Variants in IMMP2L observed in about 807,000 individuals in gnomAD.
The protein encoded by IMMP2L is mitochondrial inner membrane protease subunit 2.
IMMP2L carries 18 observed loss-of-function variants against 19.3 expected under a neutral mutation model. That is an observed-to-expected ratio of 0.93 (90% CI 0.64 to 1.38). The LOEUF is 1.38. Among genes scored for constraint, IMMP2L ranks in the 40% most tolerant of loss-of-function variants. The pLI, the probability that IMMP2L is intolerant of heterozygous loss-of-function variation, is 0.00. For synonymous variants in IMMP2L, 76 were observed against 73.0 expected (o/e 1.04, Z -0.21); for missense variants, 233 against 218.2 (o/e 1.07, Z -0.43).
At chr7:110,717,429 C>G (rs1003234240) in intron 5 of IMMP2L, among the ~76,000 whole-genome samples, 1 of 152,214 alleles carries the variant, frequency 6.6e-6, no homozygotes, top group Admixed American at 6.5e-5. Context: ...TGCGCCACTG[C>G]GCTCCAGCCT....
intron 3 of IMMP2L, among the ~76,000 whole-genome samples, chr7:111,171,872 GATAAA>G (rs1806485152): frequency 6.6e-6 from 1 of 151,054 alleles, no homozygotes; most frequent in African/African-American, 2.4e-5. Flanking sequence ...GGTAAAAAAA[GATAAA>G]ATAAAGAATT....
In IMMP2L at chr7:111,403,303, C is replaced by A. The variant is rs780594550; in HGVS notation, c.239+83935G>T. On this transcript the variant is annotated intron_variant, in intron 3 of 5. Transcript: ENST00000405709. The stretch of plus-strand genomic sequence containing the variant: ...CTCCTGCCACCACATAAGACATCCA[C>A]TTTGCCTTCCACCATGATTGTAAGT... Among the ~76,000 whole-genome samples, 154 of 152,132 alleles carry A rather than the reference C, an allele frequency of 1.0e-3. 1 individual carries two copies. Among genetic ancestry groups the A allele is most frequent in the South Asian group, 1.0e-3 (5 of 4,814 alleles).
At chr7:110,715,598 A>T (rs960347872) in intron 5 of IMMP2L, among the ~76,000 whole-genome samples, 2 of 152,046 alleles carry the variant, frequency 1.3e-5, no homozygotes, top group Non-Finnish European at 2.9e-5. Flanking sequence ...CTTGGTACTG[A>T]TTTCTATTTG....
At chr7:110,688,943 C>T (rs2130521316) in intron 5 of IMMP2L, among the ~76,000 whole-genome samples, 2 of 152,126 alleles carry the variant, frequency 1.3e-5, no homozygotes, top group East Asian at 3.9e-4. Context: ...TGTACATAAA[C>T]ATTTCATTAT....
At chr7:110,872,778 C>A (rs181198578) in intron 5 of IMMP2L, among the ~76,000 whole-genome samples, 14 of 152,302 alleles carry the variant, frequency 9.2e-5, no homozygotes, top group East Asian at 7.7e-4. Flanking sequence ...AGCTGACTCT[C>A]TGGATTGAGA....
At chr7:111,088,655 T>G (rs1350921070) in intron 3 of IMMP2L, among the ~76,000 whole-genome samples, 1 of 152,222 alleles carries the variant, frequency 6.6e-6, no homozygotes, top group Non-Finnish European at 1.5e-5. Context: ...TCTCATTTGA[T>G]GATCACTCAC....
At chr7:111,058,133 A>G (rs762010081) in intron 3 of IMMP2L, among the ~76,000 whole-genome samples, 1 of 152,182 alleles carries the variant, frequency 6.6e-6, no homozygotes, top group East Asian at 1.9e-4. Context: ...GAATTTATCT[A>G]TTTTTCTTTT....
chr7:111,304,276 T>C (rs1822583824), intron 3 of IMMP2L, among the ~76,000 whole-genome samples: 1 of 151,994 alleles, frequency 6.6e-6, no homozygotes, highest in South Asian at 2.1e-4. Context: ...CCAAATAACA[T>C]GTGCAGTTAA....
At chr7:111,042,460 C>T (rs894003339) in intron 3 of IMMP2L, among the ~76,000 whole-genome samples, 2 of 152,180 alleles carry the variant, frequency 1.3e-5, no homozygotes, top group African/African-American at 2.4e-5. Flanking sequence ...GGATTACAGG[C>T]GTGAGCCACC....
At chr7:110,935,095 T>C (rs1049947380) in intron 4 of IMMP2L, among the ~76,000 whole-genome samples, 2 of 152,318 alleles carry the variant, frequency 1.3e-5, no homozygotes, top group Non-Finnish European at 2.9e-5. Context: ...ATAGTGTTGA[T>C]GGTCTTTACG....
intron 3 of IMMP2L, among the ~76,000 whole-genome samples, chr7:111,015,800 T>C (rs1219339236): frequency 6.6e-6 from 1 of 152,136 alleles, no homozygotes; most frequent in Non-Finnish European, 1.5e-5. Context: ...ACCACTGAAT[T>C]GAATGATTTA....
chr7:111,092,171 C>G (rs1455451326), intron 3 of IMMP2L, among the ~76,000 whole-genome samples: 3 of 152,176 alleles, frequency 2.0e-5, no homozygotes, highest in Admixed American at 1.3e-4. Flanking sequence ...TTAATAACAT[C>G]CCCTCGCTGG....
intron 3 of IMMP2L, among the ~76,000 whole-genome samples, chr7:111,415,895 AAC>A (rs1187146367): frequency 6.6e-5 from 10 of 151,396 alleles, no homozygotes; most frequent in African/African-American, 2.2e-4. Flanking sequence ...CAACAACAAC[AAC>A]AAAAAAACAG....
At chr7:110,867,999 G>A (rs1175477725) in intron 5 of IMMP2L, among the ~76,000 whole-genome samples, 1 of 151,838 alleles carries the variant, frequency 6.6e-6, no homozygotes, top group Non-Finnish European at 1.5e-5. Context: ...ATCAACATAG[G>A]GAGCAACAAA....
intron 3 of IMMP2L, among the ~76,000 whole-genome samples, chr7:111,412,383 A>G (rs1486590237): frequency 6.6e-6 from 1 of 151,744 alleles, no homozygotes; most frequent in Non-Finnish European, 1.5e-5. Context: ...ACGTAAAAAA[A>G]TTAACTAAAA....
rs1796059197 is a variant in IMMP2L at position 110,728,714 on chromosome 7, T to C, written c.409-64993A>G. Among the ~76,000 whole-genome samples, 1 of 152,168 alleles carries C rather than the reference T, an allele frequency of 6.6e-6. No homozygotes were observed. The highest frequency in any genetic ancestry group is 1.5e-5 in the Non-Finnish European group (1 of 68,022). On this transcript the variant is annotated intron_variant, in intron 5 of 5. Transcript: ENST00000405709. This position sits in a 1 kb window ranked among gnomAD's most constrained non-coding sequence, Gnocchi z 4.6. ...TCCAGTCTCAAAAAAGTATTGTTTG[T>C]ACTGAATGCCTATCTCCATGCACTG...
chr7:111,485,295 TG>T (rs1842535853), intron 3 of IMMP2L, among the ~76,000 whole-genome samples: 2 of 152,016 alleles, frequency 1.3e-5, no homozygotes, highest in African/African-American at 4.8e-5. Flanking sequence ...AGCACATAAC[TG>T]AGTCATTAAA....
chr7:110,925,408 A>G (rs567914634), intron 4 of IMMP2L, among the ~76,000 whole-genome samples: 1 of 152,248 alleles, frequency 6.6e-6, no homozygotes, highest in African/African-American at 2.4e-5. Flanking sequence ...GTACCAGGAC[A>G]CACACTTGTT....
intron 2 of IMMP2L, among the ~76,000 whole-genome samples, chr7:111,499,922 G>A (rs764665040): frequency 1.3e-5 from 2 of 152,098 alleles, no homozygotes; most frequent in Admixed American, 6.5e-5. Flanking sequence ...CTGAGGTACC[G>A]GGTTCATCTC....
Sources: allele counts gnomAD v4.1 joint callset (sites outside exome capture counted in the v4.1 genomes callset), GRCh38; gene constraint gnomAD v4.1.1; non-coding constraint Gnocchi (gnomAD v3.1); transcripts MANE v1.5; gene names NCBI Gene and HGNC (gene_info 2026-07-23, HGNC 2026-07-21).